The following PTPRD variants were observed in gnomAD, a reference collection of about 807,000 sequenced individuals.
The protein encoded by PTPRD is receptor-type tyrosine-protein phosphatase delta.
Under a neutral mutation model 214.5 loss-of-function variants are expected in PTPRD, and 34 were observed. That is an observed-to-expected ratio of 0.16 (90% CI 0.12 to 0.21). The LOEUF is 0.21. Ranked by LOEUF, PTPRD falls within the 10% of genes least tolerant of loss-of-function variation. The pLI is 1.00. For missense variants in PTPRD, 2,545 were observed against 2,398.7 expected, an observed-to-expected ratio of 1.06 and a Z score of -1.27; for synonymous variants, 1,128 against 845.7, an observed-to-expected ratio of 1.33 and a Z score of -5.79.
chr9:9,377,863 A>C (rs1323673865), intron 9 of PTPRD, among the ~76,000 whole-genome samples: 1 of 145,938 alleles, frequency 6.9e-6, no homozygotes, highest in Non-Finnish European at 1.5e-5. Context: ...TTAACTCTCA[A>C]GAAGAAAGCA....
intron 5 of PTPRD, among the ~76,000 whole-genome samples, chr9:9,935,774 AT>A (rs1406398467): frequency 4.7e-5 from 7 of 149,540 alleles, no homozygotes; most frequent in Admixed American, 4.6e-4. Context: ...TGCCAAGTCA[AT>A]CCTAAGCCAA....
At chr9:10,533,826 A>C (rs572086081) in intron 2 of PTPRD, among the ~76,000 whole-genome samples, 10 of 151,762 alleles carry the variant, frequency 6.6e-5, no homozygotes, top group Non-Finnish European at 1.5e-4. Context: ...TTTCATCTGA[A>C]CACTAGTGAC....
intron 8 of PTPRD, among the ~76,000 whole-genome samples, chr9:9,424,478 G>C (rs76563681): frequency 0.01 from 1,541 of 152,298 alleles, 27 homozygotes; most frequent in East Asian, 0.061. Context: ...GTGAAGTGGG[G>C]TGGGATGACA....
In PTPRD at chr9:9,483,811, C is replaced by T. The variant is rs73641305; in HGVS notation, c.-236-86329G>A. On this transcript the variant is annotated intron_variant, in intron 8 of 45. Coordinates refer to ENST00000381196, the MANE Select transcript of PTPRD (RefSeq NM_002839.4). The stretch of plus-strand genomic sequence containing the variant: ...TTTTTTTTTTAAGTCATGCTATAAT[C>T]CTCTCTGTGAAAATTCGTTCTCTGT... 5.1e-3 allele frequency among the ~76,000 whole-genome samples: 770 copies of T among 149,626 alleles called. 3 individuals are homozygous for T. The highest frequency in any genetic ancestry group is 0.017 in the African/African-American group (687 of 40,746).
At chr9:10,039,513 A>T (rs2097256994) in intron 3 of PTPRD, among the ~76,000 whole-genome samples, 1 of 152,126 alleles carries the variant, frequency 6.6e-6, no homozygotes, top group East Asian at 1.9e-4. Context: ...AGTAAGCTAG[A>T]TTACTACTAT....
chr9:9,845,386 C>T (rs1021714556), intron 5 of PTPRD, among the ~76,000 whole-genome samples: 5 of 151,610 alleles, frequency 3.3e-5, no homozygotes, highest in African/African-American at 1.2e-4. Context: ...ATAAGGCACA[C>T]ATTTGAAGGC....
intron 3 of PTPRD, among the ~76,000 whole-genome samples, chr9:10,063,562 C>G (rs532327948): frequency 1.8e-4 from 27 of 151,954 alleles, no homozygotes; most frequent in Non-Finnish European, 3.7e-4. Flanking sequence ...TTGAACTGAA[C>G]AGATAGCTAC....
chr9:9,726,114 C>T (rs2098085806), intron 7 of PTPRD, among the ~76,000 whole-genome samples: 2 of 152,146 alleles, frequency 1.3e-5, no homozygotes, highest in Non-Finnish European at 2.9e-5. Context: ...ATCTATTAAA[C>T]AGAACATTGA....
At chr9:8,528,415 C>G (rs1024249302) in intron 15 of PTPRD, 176 bp downstream of exon 15, 4 of 670,990 alleles carry the variant, frequency 6.0e-6, no homozygotes, top group African/African-American at 3.6e-5. Flanking sequence ...AAGACAGACT[C>G]TGAAACAGGC....
chr9:8,537,734 C>G (rs914405375), intron 14 of PTPRD, among the ~76,000 whole-genome samples: 5 of 151,996 alleles, frequency 3.3e-5, no homozygotes, highest in African/African-American at 9.7e-5. Context: ...AAATATTCCT[C>G]ACATTTTGAG....
intron 9 of PTPRD, among the ~76,000 whole-genome samples, chr9:9,387,029 T>G (rs1179624263): frequency 6.6e-6 from 1 of 152,166 alleles, no homozygotes; most frequent in Non-Finnish European, 1.5e-5. Flanking sequence ...CAGAGGGACT[T>G]TGATGTGAGT....
chr9:9,386,536 T>C (rs2063930574), intron 9 of PTPRD, among the ~76,000 whole-genome samples: 1 of 152,154 alleles, frequency 6.6e-6, no homozygotes, highest in African/African-American at 2.4e-5. Context: ...AGTCAATCAT[T>C]TTGAAGACTA....
chr9:9,348,774 C>G (rs192352362), intron 9 of PTPRD, among the ~76,000 whole-genome samples: 1 of 152,042 alleles, frequency 6.6e-6, no homozygotes, highest in Non-Finnish European at 1.5e-5. Flanking sequence ...AACATTTGTG[C>G]TATGGAGATT....
chr9:9,445,394 T>C (rs1192152386), intron 8 of PTPRD, among the ~76,000 whole-genome samples: 2 of 152,166 alleles, frequency 1.3e-5, no homozygotes, highest in East Asian at 3.9e-4. Context: ...TCATGGTTGG[T>C]TAATCCTTAG....
At chr9:10,395,954 T>TGAGAGAGAGAGAAAGAGAGAGAGAGA (rs2098161462) in intron 2 of PTPRD, among the ~76,000 whole-genome samples, 1 of 134,310 alleles carries the variant, frequency 7.4e-6, no homozygotes, top group East Asian at 2.3e-4. Flanking sequence ...ATAGAGAGAA[T>TGAGAGAGAGAGAAAGAGAGAGAGAGA]GAGAGAGAGA....
intron 10 of PTPRD, among the ~76,000 whole-genome samples, chr9:9,022,043 T>G (rs1383378897): frequency 1.3e-5 from 2 of 151,910 alleles, no homozygotes; most frequent in Non-Finnish European, 1.5e-5. Context: ...AAAACCTAGA[T>G]GACCGGTTCA....
At chr9:9,422,065 T>G (rs766593237) in intron 8 of PTPRD, among the ~76,000 whole-genome samples, 1 of 152,118 alleles carries the variant, frequency 6.6e-6, no homozygotes, top group Non-Finnish European at 1.5e-5. Context: ...GGTATTTAAG[T>G]CACATATTTG....
chr9:8,405,192 C>T (rs1442994279), intron 35 of PTPRD, among the ~76,000 whole-genome samples: 2 of 151,926 alleles, frequency 1.3e-5, no homozygotes, highest in East Asian at 3.9e-4. Context: ...CACACTAAGA[C>T]CAATATTACA....
chr9:10,471,238 A>C (rs1264792550), intron 2 of PTPRD, among the ~76,000 whole-genome samples: 2 of 152,150 alleles, frequency 1.3e-5, no homozygotes, highest in Non-Finnish European at 2.9e-5. Flanking sequence ...TGGCATGTGT[A>C]TACCTATGTA....
Sources: gnomAD v4.1 joint callset for allele counts (sites outside exome capture counted in the v4.1 genomes callset) on GRCh38, gnomAD v4.1.1 for gene constraint, MANE v1.5 for transcripts, NCBI Gene and HGNC (gene_info 2026-07-23, HGNC 2026-07-21) for gene names.